Variants in AGO4 observed in about 807,000 individuals in gnomAD.
AGO4 encodes protein argonaute-4.
AGO4 carries 33 observed loss-of-function variants against 104.7 expected under a neutral mutation model. That is an observed-to-expected ratio of 0.32 (90% CI 0.24 to 0.42). AGO4 has a LOEUF of 0.42. AGO4 is among the 10% of genes least tolerant of loss of function. The pLI, the probability that AGO4 is intolerant of heterozygous loss-of-function variation, is 1.00. For missense variants in AGO4, 711 were observed against 1,083.4 expected (o/e 0.66, Z 4.83); for synonymous variants, 331 against 364.7 (o/e 0.91, Z 1.05).
intron 11 of AGO4, among the ~76,000 whole-genome samples, 160 bp downstream of exon 11, chr1:35,832,730 C>T (rs534090878): frequency 6.6e-6 from 1 of 152,224 alleles, no homozygotes; most frequent in Non-Finnish European, 1.5e-5. Flanking sequence ...AATTTGCAAA[C>T]TTGGGAATTA....
In AGO4 at chr1:35,825,975, T is replaced by C. The variant is rs1438621703; in HGVS notation, c.675T>C (p.Cys225=). The change falls in exon 6 of 18, where the codon TGT becomes TGC. Residue 225 remains cysteine, a synonymous_variant. Coordinates refer to ENST00000373210, the MANE Select transcript of AGO4 (RefSeq NM_017629.4). ...CTCAGCCTATCATTGAGTTCATGTG[T>C]GAGGTTTTAGACATTCAGAACATCA... ...YRAQPIIEFM[C]EVLDIQNINE... 2 of 1,614,086 alleles carry C rather than the reference T, an allele frequency of 1.2e-6. No homozygotes were observed. The highest frequency in any genetic ancestry group is 1.7e-6 in the Non-Finnish European group (2 of 1,180,046).
At chr1:35,836,246 GC>G (rs1299218913) in intron 13 of AGO4, among the ~76,000 whole-genome samples, 2 of 151,968 alleles carry the variant, frequency 1.3e-5, no homozygotes, top group Non-Finnish European at 2.9e-5. Context: ...GATTACTTTT[GC>G]CCATTTTTGA....
At chr1:35,831,974 AC>A (rs1187208890) in intron 9 of AGO4, 43 bp downstream of exon 9, 3 of 1,607,090 alleles carry the variant, frequency 1.9e-6, no homozygotes, top group Non-Finnish European at 8.5e-7. Flanking sequence ...CTTTGAGATG[AC>A]AAAAAACAAA....
rs746660887 is a variant in AGO4 at position 35,825,336 on chromosome 1, A to T, written c.330A>T (p.Pro110=). The T allele has an allele frequency of 4.1e-5, 66 of 1,613,950 alleles. No homozygotes were observed. The South Asian group carries it at 7.1e-4, about 17-fold the overall frequency. ...RDRVDMEVTL[P]GEGKDQTFKV... ...AGGTTGATATGGAGGTGACTCTTCC[A>T]GGCGAGGGTAAAGACCAAACATTTA... The change falls in exon 4 of 18, where the codon CCA becomes CCT. Residue 110 remains proline, a synonymous_variant. Coordinates refer to ENST00000373210, the MANE Select transcript of AGO4 (RefSeq NM_017629.4).
chr1:35,825,739 AG>A lies in AGO4; in HGVS notation c.554del (p.Gly185AlafsTer12). ...CGGAAGGTTACTACCACCCTCTGGG[AG>A]GGGGCAGGGAGGTCTGGTTTGGTTT... is the stretch of plus-strand genomic sequence containing the variant. ...PPEGYYHPLG[G>X]GREVWFGFHQ... On this transcript the variant is annotated frameshift_variant, in exon 5 of 18. Coordinates refer to ENST00000373210, the MANE Select transcript of AGO4 (RefSeq NM_017629.4). LOFTEE classifies it high-confidence loss of function. 6.3e-7 allele frequency: 1 copy of A among 1,593,118 alleles called. No individual in the cohort carries two copies. Among genetic ancestry groups the A allele is most frequent in the African/African-American group, 1.4e-5 (1 of 73,700 alleles).
At chr1:35,840,968 ACTT>A (rs910789111) in intron 13 of AGO4, among the ~76,000 whole-genome samples, 194 bp from the exon 14 acceptor site, 12 of 152,124 alleles carry the variant, frequency 7.9e-5, no homozygotes, top group African/African-American at 2.4e-4. Flanking sequence ...AGCCATGTTC[ACTT>A]CTTCAGTCAG....
intron 7 of AGO4, among the ~76,000 whole-genome samples, chr1:35,829,256 G>C (rs1178084887): frequency 6.6e-6 from 1 of 150,898 alleles, no homozygotes; most frequent in Non-Finnish European, 1.5e-5. Context: ...TCTTAAGAGT[G>C]GTAAATTGGT....
intron 3 of AGO4, 47 bp downstream of exon 3, chr1:35,823,029 T>C (rs761869620): frequency 1.3e-6 from 2 of 1,585,956 alleles, no homozygotes; most frequent in Admixed American, 1.7e-5. Context: ...GTAGTAATTA[T>C]ACATGACAAA....
rs987749917 is a variant in AGO4, at chr1:35,825,514, T to G, written c.488+20T>G. ...CATGAGGTTAGTACCTTGGTTTGGA[T>G]TATTTCCTACAAATGTCAGACTTTT... is the stretch of plus-strand genomic sequence containing the variant. On this transcript the variant is annotated intron_variant, in intron 4 of 17. Coordinates refer to ENST00000373210, the MANE Select transcript of AGO4 (RefSeq NM_017629.4). 1.9e-6 allele frequency: 3 copies of G among 1,602,376 alleles called. No homozygotes were observed. The highest frequency in any genetic ancestry group is 2.6e-6 in the Non-Finnish European group (3 of 1,173,344).
At chr1:35,851,184 A>C in intron 17 of AGO4, 131 bp downstream of exon 17, 2 of 897,256 alleles carry the variant, frequency 2.2e-6, no homozygotes, top group Non-Finnish European at 3.3e-6. Context: ...ATAAAATTGC[A>C]TGTGCCTCTG....
intron 12 of AGO4, among the ~76,000 whole-genome samples, 159 bp from the exon 13 acceptor site, chr1:35,835,675 T>G (rs978377275): frequency 1.3e-5 from 2 of 152,060 alleles, no homozygotes; most frequent in Non-Finnish European, 2.9e-5. Context: ...AAAATTGCCC[T>G]GGGGGTTTAG....
At chr1:35,830,488 A>T (rs1236217161) in intron 7 of AGO4, among the ~76,000 whole-genome samples, 1 of 152,194 alleles carries the variant, frequency 6.6e-6, no homozygotes, top group Non-Finnish European at 1.5e-5. Context: ...GTGTTACCTG[A>T]CCTCAAGTGA....
At chr1:35,845,916 C>G (rs1440561751) in intron 15 of AGO4, among the ~76,000 whole-genome samples, 3 of 152,340 alleles carry the variant, frequency 2.0e-5, no homozygotes, top group Non-Finnish European at 4.4e-5. Context: ...AAGCATCTAT[C>G]TGGAACACTG....
intron 13 of AGO4, among the ~76,000 whole-genome samples, chr1:35,837,187 A>G (rs1387072775): frequency 6.6e-6 from 1 of 152,010 alleles, no homozygotes; most frequent in Admixed American, 6.6e-5. Flanking sequence ...GGTTCAACCA[A>G]TGCTACCACC....
At chr1:35,822,789 A>G (rs1410123839) in intron 2 of AGO4, 73 bp from the exon 3 acceptor site, 1 of 1,571,602 alleles carries the variant, frequency 6.4e-7, no homozygotes, top group East Asian at 2.3e-5. Flanking sequence ...TTAAATGATT[A>G]AAGTATGATG....
At chr1:35,850,546 G>A (rs983531402) in intron 16 of AGO4, among the ~76,000 whole-genome samples, 7 of 151,930 alleles carry the variant, frequency 4.6e-5, no homozygotes, top group African/African-American at 1.7e-4. Flanking sequence ...TTGGGAGGCC[G>A]AAATGGGCAG....
At position 35,825,820 on chromosome 1, in the gene AGO4, G is replaced by A. The variant is rs2148661309; in HGVS notation, c.625+5G>A. On this transcript the variant is annotated splice_donor_5th_base_variant and intron_variant, in intron 5 of 17. Coordinates refer to ENST00000373210, the MANE Select transcript of AGO4 (RefSeq NM_017629.4). ...ATATGATGCTCAACATTGATGGTAG[G>A]ATGGAACTCTCTTTATCCAATAACT... 1 of 1,585,032 alleles carries A rather than the reference G, an allele frequency of 6.3e-7. No homozygotes were observed. The highest frequency in any genetic ancestry group is 1.8e-5 in the Admixed American group (1 of 54,756).
chr1:35,841,291 C>T lies in AGO4; in HGVS notation c.1851C>T (p.Tyr617=), dbSNP rs1236903310. Residue 617 remains tyrosine, a synonymous_variant, in exon 14 of 18, where the codon TAC becomes TAT. Transcript: ENST00000373210. This position sits in a 1 kb window ranked among gnomAD's most constrained non-coding sequence, Gnocchi z 4.7. ...GTATGGATGGCCACCCCAGCCGGTA[C>T]TGTGCCACCGTTCGGGTGCAGACTT... The part of the protein sequence containing the change: ...VGSMDGHPSR[Y]CATVRVQTSR... The T allele has an allele frequency of 1.2e-6, 2 of 1,614,190 alleles. No homozygotes were observed. Among genetic ancestry groups the T allele is most frequent in the Non-Finnish European group, 1.7e-6 (2 of 1,180,030 alleles).
At chr1:35,809,897 C>T (rs996204740) in intron 1 of AGO4, among the ~76,000 whole-genome samples, 1 of 152,122 alleles carries the variant, frequency 6.6e-6, no homozygotes, top group African/African-American at 2.4e-5. Context: ...CTTCCCTCCC[C>T]CTAGTAATTC....
Sources: gnomAD v4.1 joint callset for allele counts (sites outside exome capture counted in the v4.1 genomes callset) on GRCh38, gnomAD v4.1.1 for gene constraint, Gnocchi (gnomAD v3.1) non-coding constraint, MANE v1.5 for transcripts, NCBI Gene and HGNC (gene_info 2026-07-23, HGNC 2026-07-21) for gene names.